Variants in TRA2A observed in about 807,000 individuals in gnomAD.
TRA2A encodes transformer 2 alpha homolog.
Under a neutral mutation model 45.7 loss-of-function variants are expected in TRA2A, and 31 were observed. That is an observed-to-expected ratio of 0.68 (90% CI 0.51 to 0.92). TRA2A has a LOEUF of 0.92. TRA2A is among the 40% of genes least tolerant of loss of function. The pLI is 0.00. For synonymous variants in TRA2A, 132 were observed against 126.2 expected (o/e 1.05, Z -0.31); for missense variants, 304 against 367.5 (o/e 0.83, Z 1.41).
At chr7:23,517,680 G>A (rs1401275766) in intron 2 of TRA2A, among the ~76,000 whole-genome samples, 4 of 150,852 alleles carry the variant, frequency 2.7e-5, no homozygotes, top group African/African-American at 4.9e-5. Context: ...TTGGGAGGCC[G>A]AGGCAGGCAG....
intron 2 of TRA2A, among the ~76,000 whole-genome samples, chr7:23,517,315 T>C (rs1789918929): frequency 6.8e-6 from 1 of 146,928 alleles, no homozygotes; most frequent in African/African-American, 2.5e-5. Flanking sequence ...ACCCCTCTAC[T>C]AAAAATACAA....
intron 4 of TRA2A, 34 bp from the exon 5 acceptor site, chr7:23,507,569 T>C (rs754426273): frequency 4.2e-6 from 6 of 1,427,442 alleles, no homozygotes; most frequent in East Asian, 4.5e-5. Context: ...TCACGTATAA[T>C]TCACCAGTCT....
At chr7:23,510,701 A>C in intron 4 of TRA2A, among the ~76,000 whole-genome samples, 1 of 152,330 alleles carries the variant, frequency 6.6e-6, no homozygotes, top group South Asian at 2.1e-4. Context: ...CACATTAAAA[A>C]ATATTAATAA....
chr7:23,506,255 C>T lies in TRA2A; in HGVS notation c.653G>A (p.Gly218Asp). ...TCCACCGCCGCCGCCTCCTCCACCA[C>T]CCCCACCACTACTGCAGAAAAATGT... is the stretch of plus-strand genomic sequence containing the variant. ...YMGRPTHSGG[G>D]GGGGGGGGGG... The change falls in exon 6 of 8, where the codon GGT (glycine) becomes GAT (aspartate). Residue 218 changes from glycine to aspartate, a missense_variant. Gly to Asp is a moderately conservative substitution (Grantham distance 94). Coordinates refer to ENST00000297071, the MANE Select transcript of TRA2A (RefSeq NM_013293.5). 1 of 1,607,540 alleles carries T rather than the reference C, an allele frequency of 6.2e-7. No homozygotes were observed. Among genetic ancestry groups the T allele is most frequent in the Non-Finnish European group, 8.5e-7 (1 of 1,176,014 alleles).
At chr7:23,521,468 G>C (rs1002330497) in intron 2 of TRA2A, among the ~76,000 whole-genome samples, 1 of 152,094 alleles carries the variant, frequency 6.6e-6, no homozygotes, top group African/African-American at 2.4e-5. Flanking sequence ...TCAGAGATAG[G>C]GTCTCCCTGG....
At chr7:23,526,525 T>G (rs962500549) in intron 1 of TRA2A, among the ~76,000 whole-genome samples, 2 of 152,230 alleles carry the variant, frequency 1.3e-5, no homozygotes, top group Admixed American at 6.5e-5. Flanking sequence ...AATATTCATT[T>G]TACTACTTAC....
intron 1 of TRA2A, among the ~76,000 whole-genome samples, chr7:23,524,895 T>C (rs1177047047): frequency 6.6e-6 from 1 of 152,010 alleles, no homozygotes; most frequent in Non-Finnish European, 1.5e-5. Context: ...TTTCCCTATG[T>C]TGGCCAGGCT....
intron 2 of TRA2A, among the ~76,000 whole-genome samples, chr7:23,519,406 C>G: frequency 6.6e-6 from 1 of 151,998 alleles, no homozygotes; most frequent in East Asian, 1.9e-4. Flanking sequence ...AATGACCCAC[C>G]CTTAACTAAA....
chr7:23,507,059 G>A (rs913636174), intron 5 of TRA2A: 10 of 186,118 alleles, frequency 5.4e-5, no homozygotes, highest in Admixed American at 1.1e-4. Context: ...CACTGCGCCC[G>A]GCAAATGAAC....
intron 1 of TRA2A, among the ~76,000 whole-genome samples, chr7:23,522,620 A>AGTT (rs1790181896): frequency 6.6e-6 from 1 of 151,910 alleles, no homozygotes; most frequent in South Asian, 2.1e-4. Context: ...GTTTCTAACA[A>AGTT]AGAGAATTTA....
intron 4 of TRA2A, among the ~76,000 whole-genome samples, chr7:23,509,823 G>C (rs1187638406): frequency 6.6e-6 from 1 of 151,928 alleles, no homozygotes; most frequent in Non-Finnish European, 1.5e-5. Context: ...TCCAGAGTTT[G>C]AGGCTAGCCT....
chr7:23,517,889 G>T (rs1789959258), intron 2 of TRA2A, among the ~76,000 whole-genome samples: 1 of 151,694 alleles, frequency 6.6e-6, no homozygotes, highest in African/African-American at 2.4e-5. Flanking sequence ...TCCAGCCTGG[G>T]AACAAGCACA....
intron 5 of TRA2A, 87 bp from the exon 6 acceptor site, chr7:23,506,353 A>C (rs1383439171): frequency 2.2e-6 from 3 of 1,369,750 alleles, no homozygotes; most frequent in African/African-American, 2.9e-5. Context: ...TAAAAAAGAG[A>C]AAAGTGAGGA....
chr7:23,521,838 C>A lies in TRA2A; in HGVS notation c.39G>T (p.Glu13Asp), dbSNP rs1790152571. ...DVEENNFEGRESRSQSKSPTG... is the reference protein window; with the variant it reads ...DVEENNFEGRDSRSQSKSPTG... ...TTGGAGATTTTGACTGAGAGCGAGA[C>A]TCCTAACAAAGAAGACAGTATTACA... The change falls in exon 2 of 8, where the codon GAG becomes GAT. Residue 13 changes from glutamate (E) to aspartate (D), a missense_variant and splice_region_variant. Glu to Asp is a conservative substitution (Grantham distance 45, BLOSUM62 2). Coordinates refer to ENST00000297071, the MANE Select transcript of TRA2A (RefSeq NM_013293.5). The A allele has an allele frequency of 6.2e-7, 1 of 1,613,960 alleles. No homozygotes were observed. Among genetic ancestry groups the A allele is most frequent in the Admixed American group, 1.7e-5 (1 of 59,978 alleles).
chr7:23,526,385 C>A (rs1486143634), intron 1 of TRA2A, among the ~76,000 whole-genome samples: 1 of 152,174 alleles, frequency 6.6e-6, no homozygotes, highest in African/African-American at 2.4e-5. Context: ...AACAGACTTA[C>A]TAAAAATGTA....
intron 2 of TRA2A, among the ~76,000 whole-genome samples, chr7:23,517,693 T>C (rs944887723): frequency 9.3e-5 from 14 of 149,992 alleles, no homozygotes; most frequent in Admixed American, 2.7e-4. Context: ...GCAGGCAGAT[T>C]ACGAGGTCAA....
intron 4 of TRA2A, among the ~76,000 whole-genome samples, chr7:23,512,127 A>C (rs1472538136): frequency 6.6e-6 from 1 of 152,206 alleles, no homozygotes; most frequent in Non-Finnish European, 1.5e-5. Context: ...TATAGCAGAG[A>C]GCATAACCAA....
intron 4 of TRA2A, among the ~76,000 whole-genome samples, chr7:23,510,475 C>T (rs753488256): frequency 2.6e-5 from 4 of 151,178 alleles, no homozygotes; most frequent in Non-Finnish European, 4.4e-5. Context: ...GGGTTACAGG[C>T]GCTTGCCACA....
chr7:23,509,905 T>C (rs1789517756), intron 4 of TRA2A, among the ~76,000 whole-genome samples: 1 of 151,160 alleles, frequency 6.6e-6, no homozygotes, highest in Admixed American at 6.6e-5. Flanking sequence ...GCGCACCTGT[T>C]GTCCCAGCTA....
Sources: gnomAD v4.1 joint callset for allele counts (sites outside exome capture counted in the v4.1 genomes callset) on GRCh38, gnomAD v4.1.1 for gene constraint, MANE v1.5 for transcripts, NCBI Gene and HGNC (gene_info 2026-07-23, HGNC 2026-07-21) for gene names.